Variants in TTC39B observed in about 807,000 individuals in gnomAD.
The protein encoded by TTC39B is tetratricopeptide repeat domain 39B.
TTC39B carries 92 observed loss-of-function variants against 96.6 expected under a neutral mutation model. The observed-to-expected ratio is 0.95, with a 90% CI of 0.80 to 1.13. The LOEUF (loss-of-function observed/expected upper bound fraction) is 1.13, where lower values mean the gene tolerates loss of function less well. TTC39B is among the 50% of genes most tolerant of loss of function. The probability of loss-of-function intolerance (pLI) is 0.00; values close to 1 mark genes in which losing one functional copy is unlikely to be tolerated. For missense variants in TTC39B, 955 were observed against 809.3 expected (o/e 1.18, Z -2.18); for synonymous variants, 367 against 299.4 (o/e 1.23, Z -2.33).
At chr9:15,182,131 GC>G (rs1818278508) in intron 17 of TTC39B, among the ~76,000 whole-genome samples, 175 bp downstream of exon 17, 1 of 152,154 alleles carries the variant, frequency 6.6e-6, no homozygotes, top group Non-Finnish European at 1.5e-5. Context: ...TCATGCAGTT[GC>G]AGTGTGTATC....
At chr9:15,186,180 T>C (rs948095898) in intron 15 of TTC39B, among the ~76,000 whole-genome samples, 3 of 152,130 alleles carry the variant, frequency 2.0e-5, no homozygotes, top group Non-Finnish European at 2.9e-5. Flanking sequence ...CATGAAATAA[T>C]ATGCCTCCAA....
intron 1 of TTC39B, among the ~76,000 whole-genome samples, chr9:15,292,416 CACAT>C (rs1195871871): frequency 1.1e-4 from 17 of 152,144 alleles, no homozygotes; most frequent in African/African-American, 4.1e-4. Context: ...AAAAGTATAG[CACAT>C]ACAATTATGT....
At chr9:15,219,412 CCTT>C (rs1564359679) in intron 3 of TTC39B, among the ~76,000 whole-genome samples, 1 of 152,098 alleles carries the variant, frequency 6.6e-6, no homozygotes, top group Non-Finnish European at 1.5e-5. Context: ...AATCTGATGA[CCTT>C]CTACTATTAA....
At chr9:15,295,464 C>T (rs142728771) in intron 1 of TTC39B, among the ~76,000 whole-genome samples, 9 of 152,286 alleles carry the variant, frequency 5.9e-5, no homozygotes, top group Non-Finnish European at 1.0e-4. Context: ...TGATTCTGTG[C>T]CTAAGCCAGC....
chr9:15,180,342 C>A (rs1347591944), intron 17 of TTC39B, among the ~76,000 whole-genome samples: 1 of 151,828 alleles, frequency 6.6e-6, no homozygotes, highest in Non-Finnish European at 1.5e-5. Flanking sequence ...GCAAATTAGT[C>A]AAAGTGGAAC....
chr9:15,251,700 C>CATATATATATATATATATATAT lies in TTC39B; in HGVS notation c.275+16192_275+16213dup, dbSNP rs57422881. On this transcript the variant is annotated intron_variant, in intron 2 of 19. Transcript: ENST00000512701. Reference sequence around the variant, plus strand: ...ACACACACACACACACATACATATACATATATATATATATATATATATATA... The same window carrying CATATATATATATATATATATAT: ...ACACACACACACACACATACATATACATATATATATATATATATATATATATATATATATATATATATATATA... Among the ~76,000 whole-genome samples, 76 of 98,330 alleles carry CATATATATATATATATATATAT rather than the reference C, an allele frequency of 7.7e-4. 2 individuals are homozygous for CATATATATATATATATATATAT. The highest frequency in any genetic ancestry group is 1.1e-3 in the Non-Finnish European group (51 of 46,414). 64.5% of individuals were successfully genotyped at this position (98,330 alleles called of 152,430 possible).
chr9:15,241,763 GAC>G, intron 2 of TTC39B, among the ~76,000 whole-genome samples: 1 of 120,838 alleles, frequency 8.3e-6, no homozygotes, highest in Non-Finnish European at 1.7e-5. Context: ...TTTTTTTTGA[GAC>G]AGAGTCTAGT....
chr9:15,168,415 A>C (rs1420955235), exon 20 of TTC39B: 1 of 133,626 alleles, frequency 7.5e-6, no homozygotes, highest in South Asian at 2.7e-4. Context: ...GCAGAGTATA[A>C]ATACAAAAAA....
At chr9:15,167,263 C>T (rs1343879091) in exon 20 of TTC39B, 6 of 130,184 alleles carry the variant, frequency 4.6e-5, no homozygotes, top group Non-Finnish European at 9.5e-5. Flanking sequence ...CCAGGCTGGC[C>T]TCAAACCCCT....
At chr9:15,240,387 C>T (rs1821984742) in intron 2 of TTC39B, among the ~76,000 whole-genome samples, 1 of 152,220 alleles carries the variant, frequency 6.6e-6, no homozygotes, top group Non-Finnish European at 1.5e-5. Flanking sequence ...ATAAACTTCT[C>T]CCTAAATAAT....
intron 3 of TTC39B, among the ~76,000 whole-genome samples, chr9:15,222,346 G>C (rs937920385): frequency 6.6e-6 from 1 of 152,152 alleles, no homozygotes; most frequent in Admixed American, 6.5e-5. Flanking sequence ...GCTCGGTGGT[G>C]TTAAGTATAT....
rs373412616 is a variant in TTC39B, at chr9:15,281,316, C to T, written c.241-13368G>A. Among the ~76,000 whole-genome samples the T allele has an allele frequency of 1.3e-4, 20 of 152,166 alleles. No homozygotes were observed. In the East Asian group the frequency reaches 1.5e-3, roughly 12 times the overall value. ...GGGTTGAAGAATTAAATGAGATGTA[C>T]GTAGGCTTTAACATGATGCCTATTC... On this transcript the variant is annotated intron_variant, in intron 1 of 19. Coordinates refer to ENST00000512701, the Ensembl canonical transcript of TTC39B.
intron 1 of TTC39B, among the ~76,000 whole-genome samples, chr9:15,294,917 G>A (rs1379670180): frequency 6.6e-6 from 1 of 152,154 alleles, no homozygotes; most frequent in African/African-American, 2.4e-5. Flanking sequence ...TTTCTCTGGT[G>A]AATATGGAAT....
exon 5 of TTC39B, chr9:15,211,337 G>A (rs926400862): frequency 1.3e-6 from 2 of 1,598,504 alleles, no homozygotes; most frequent in African/African-American, 1.4e-5. Context: ...CGAAGGTCAG[G>A]ACAGCCTGCA....
intron 2 of TTC39B, among the ~76,000 whole-genome samples, chr9:15,253,016 C>T (rs1205154915): frequency 9.9e-5 from 15 of 152,242 alleles, no homozygotes; most frequent in East Asian, 1.9e-4. Flanking sequence ...CTGAAATAAT[C>T]CCAAACATAC....
rs77909668 is a variant in TTC39B at position 15,304,232 on chromosome 9, A to G, written c.240+2852T>C. Among the ~76,000 whole-genome samples, 39 of 152,370 alleles carry G rather than the reference A, an allele frequency of 2.6e-4. 1 individual carries two copies. In the East Asian group the frequency reaches 6.6e-3, roughly 26 times the overall value. ...TTCCAACCACAGCCATCTCTACGTT[A>G]TAAATTTGTTGGATTGACCTTGAAT... On this transcript the variant is annotated intron_variant, in intron 1 of 19. Coordinates refer to ENST00000512701, the Ensembl canonical transcript of TTC39B.
chr9:15,180,398 T>C (rs867775638), intron 17 of TTC39B, among the ~76,000 whole-genome samples: 17 of 152,234 alleles, frequency 1.1e-4, no homozygotes, highest in Admixed American at 4.6e-4. Flanking sequence ...TGAAACACTA[T>C]TGGAATTAAT....
chr9:15,176,589 A>G (rs935304654), intron 18 of TTC39B, among the ~76,000 whole-genome samples: 9 of 152,170 alleles, frequency 5.9e-5, no homozygotes, highest in African/African-American at 2.2e-4. Context: ...GGCTTGCAGA[A>G]TATTTTCAAA....
chr9:15,177,876 T>TC (rs1818032382), intron 17 of TTC39B, 62 bp from the exon 18 acceptor site: 1 of 1,159,444 alleles, frequency 8.6e-7, no homozygotes, highest in African/African-American at 1.6e-5. Context: ...GATCTTTTTT[T>TC]TTTTTTTTTT....
Sources: allele counts gnomAD v4.1 joint callset (sites outside exome capture counted in the v4.1 genomes callset), GRCh38; gene constraint gnomAD v4.1.1; transcripts MANE v1.5; gene names NCBI Gene and HGNC (gene_info 2026-07-23, HGNC 2026-07-21).